Variants in ZNF618 observed in about 807,000 individuals in gnomAD.
ZNF618 encodes the protein zinc finger protein 618.
ZNF618 carries 34 observed loss-of-function variants against 103.0 expected under a neutral mutation model. The observed-to-expected ratio is 0.33, with a 90% CI of 0.25 to 0.44. ZNF618 has a LOEUF of 0.44. Among genes scored for constraint, ZNF618 ranks in the 20% least tolerant of loss-of-function variants. The pLI is 1.00. For missense variants in ZNF618, 1,059 were observed against 1,295.4 expected (o/e 0.82, Z 2.80); for synonymous variants, 551 against 542.2 (o/e 1.02, Z -0.23).
At chr9:114,013,571 C>A (rs557314982) in intron 9 of ZNF618, among the ~76,000 whole-genome samples, 1 of 152,142 alleles carries the variant, frequency 6.6e-6, no homozygotes. Flanking sequence ...GCTGGGACTA[C>A]AGGCGCCCGC....
chr9:114,010,652 C>T (rs10982028), intron 9 of ZNF618, among the ~76,000 whole-genome samples: 6 of 151,622 alleles, frequency 4.0e-5, no homozygotes, highest in South Asian at 2.1e-4. Flanking sequence ...TGCAGTGAGC[C>T]GAGATTGCAC....
chr9:113,989,575 TC>T (rs1839828585), intron 3 of ZNF618, among the ~76,000 whole-genome samples: 1 of 152,190 alleles, frequency 6.6e-6, no homozygotes, highest in Non-Finnish European at 1.5e-5. Flanking sequence ...ACTCCATGTT[TC>T]CAAGGCTCAG....
intron 1 of ZNF618, among the ~76,000 whole-genome samples, chr9:113,962,310 C>T (rs930269032): frequency 3.3e-5 from 5 of 152,164 alleles, no homozygotes; most frequent in Non-Finnish European, 5.9e-5. Context: ...CTTTCCTCAC[C>T]CTCTTCAGTC....
At chr9:113,952,131 C>G (rs1256667968) in intron 1 of ZNF618, among the ~76,000 whole-genome samples, 1 of 152,072 alleles carries the variant, frequency 6.6e-6, no homozygotes, top group East Asian at 1.9e-4. Context: ...TAACTTTTTA[C>G]TACACTTGTG....
chr9:114,003,093 T>TG (rs1195330644), intron 6 of ZNF618, among the ~76,000 whole-genome samples: 1 of 152,350 alleles, frequency 6.6e-6, no homozygotes, highest in Admixed American at 6.5e-5. Flanking sequence ...AGTTGACTTT[T>TG]GGGAAATGCT....
intron 1 of ZNF618, among the ~76,000 whole-genome samples, chr9:113,890,981 A>G (rs1364452182): frequency 6.6e-6 from 1 of 152,226 alleles, no homozygotes. Context: ...ATTTTTAAAG[A>G]AAAGCTCTTT....
Position 114,049,747 on chromosome 9 carries a change from G to T in ZNF618, c.2445G>T (p.Arg815=). 6.2e-7 allele frequency: 1 copy of T among 1,613,930 alleles called. No homozygotes were observed. The highest frequency in any genetic ancestry group is 8.5e-7 in the Non-Finnish European group (1 of 1,179,908). ...AMILDPQQKL[R]PVPPYQHEEI... ...TCCTGGACCCGCAGCAGAAGCTGCG[G>T]CCTGTGCCACCCTACCAGCACGAGG... Residue 815 remains arginine (R), a synonymous_variant, in exon 15 of 15, where the codon CGG becomes CGT. Transcript: ENST00000374126.
chr9:113,937,725 T>A (rs1436400053), intron 1 of ZNF618, among the ~76,000 whole-genome samples: 7 of 152,384 alleles, frequency 4.6e-5, no homozygotes, highest in Admixed American at 1.3e-4. Context: ...GTGCATCATA[T>A]GAGGAGACAG....
chr9:113,891,488 A>G (rs1829617455), intron 1 of ZNF618, among the ~76,000 whole-genome samples: 1 of 152,174 alleles, frequency 6.6e-6, no homozygotes, highest in Non-Finnish European at 1.5e-5. Flanking sequence ...AGTGTTGGTG[A>G]GGATGTGGAG....
In ZNF618 at chr9:113,938,031, G is replaced by A. The variant is rs113859412; in HGVS notation, c.34-31086G>A. Among the ~76,000 whole-genome samples the A allele has an allele frequency of 2.0e-3, 311 of 152,108 alleles. 1 individual carries two copies. Among genetic ancestry groups the A allele is most frequent in the African/African-American group, 6.9e-3 (286 of 41,504 alleles). ...CACAAGGTCTCTCAGAAGTCCTATC[G>A]GGATTTTGACTGGAATCACATTGAA... is the stretch of plus-strand genomic sequence containing the variant. On this transcript the variant is annotated intron_variant, in intron 1 of 14. Transcript: ENST00000374126.
rs532937465 is a variant in ZNF618, at chr9:113,911,803, T to C, written c.33+35390T>C. ...CCCTCGACAGCCCAACAGTGGCCTG[T>C]TTTGGGGGATGTTTTGCTATTTACA... On this transcript the variant is annotated intron_variant, in intron 1 of 14. Coordinates refer to ENST00000374126, the MANE Select transcript of ZNF618 (RefSeq NM_001318042.2). Among the ~76,000 whole-genome samples the C allele has an allele frequency of 3.2e-3, 480 of 152,210 alleles. 4 individuals are homozygous for C. Among genetic ancestry groups the C allele is most frequent in the Non-Finnish European group, 3.6e-3 (245 of 68,012 alleles).
chr9:113,921,689 G>T (rs548293788), intron 1 of ZNF618, among the ~76,000 whole-genome samples: 47 of 152,320 alleles, frequency 3.1e-4, no homozygotes, highest in Non-Finnish European at 6.5e-4. Flanking sequence ...AACAGCTTCT[G>T]TTCTTCTCAG....
intron 1 of ZNF618, among the ~76,000 whole-genome samples, chr9:113,952,412 C>T (rs1482285673): frequency 6.6e-6 from 1 of 152,196 alleles, no homozygotes; most frequent in Admixed American, 6.5e-5. Flanking sequence ...GGGTGTCTGT[C>T]CACCCCCTGA....
chr9:114,024,971 C>T (rs1251458249), intron 10 of ZNF618, among the ~76,000 whole-genome samples: 1 of 152,218 alleles, frequency 6.6e-6, no homozygotes, highest in African/African-American at 2.4e-5. Flanking sequence ...CCACCTCTCT[C>T]TGCCCTGGTC....
chr9:113,915,422 G>A (rs1215264398), intron 1 of ZNF618, among the ~76,000 whole-genome samples: 1 of 152,174 alleles, frequency 6.6e-6, no homozygotes, highest in African/African-American at 2.4e-5. Flanking sequence ...AGGTGAAGGG[G>A]TGGAGGAACT....
chr9:114,050,159 A>G lies in ZNF618; in HGVS notation c.2857A>G (p.Met953Val), dbSNP rs940136156. 3.2e-6 allele frequency: 5 copies of G among 1,554,222 alleles called. No individual in the cohort carries two copies. The highest frequency in any genetic ancestry group is 4.3e-6 in the Non-Finnish European group (5 of 1,153,646). ...MNKLMFLKSN[M>V]L is the part of the protein sequence containing the mutation. ...TAAACTCATGTTTCTGAAATCCAAC[A>G]TGCTTTAAGACTTGACTTCGGGGGA... The change falls in exon 15 of 15, where the codon ATG (methionine) becomes GTG (valine). Residue 953 changes from methionine to valine, a missense_variant. Met to Val is a conservative substitution (Grantham distance 21). Around this residue, in one of 6 missense-constraint regions of ZNF618, gnomAD observed 156 missense variants for 197.1 expected, o/e 0.79. Coordinates refer to ENST00000374126, the MANE Select transcript of ZNF618 (RefSeq NM_001318042.2).
chr9:114,032,021 G>A (rs920287537), intron 11 of ZNF618, among the ~76,000 whole-genome samples: 9 of 152,198 alleles, frequency 5.9e-5, no homozygotes, highest in Non-Finnish European at 1.3e-4. Flanking sequence ...GTAGATGGCA[G>A]CCTGTAAGCA....
intron 13 of ZNF618, among the ~76,000 whole-genome samples, chr9:114,041,528 G>C (rs1845178451): frequency 6.6e-6 from 1 of 152,184 alleles, no homozygotes; most frequent in Non-Finnish European, 1.5e-5. Flanking sequence ...AAGGGATCCA[G>C]TTTCAGCTTT....
chr9:113,943,092 G>T (rs975240130), intron 1 of ZNF618, among the ~76,000 whole-genome samples: 7 of 152,126 alleles, frequency 4.6e-5, no homozygotes, highest in African/African-American at 1.7e-4. Flanking sequence ...GTAGGGGTGT[G>T]ATTTCCAACA....
Sources: gnomAD v4.1 joint callset for allele counts (sites outside exome capture counted in the v4.1 genomes callset) on GRCh38, gnomAD v4.1.1 for gene constraint, gnomAD v4.1.1 regional missense constraint, MANE v1.5 for transcripts, NCBI Gene and HGNC (gene_info 2026-07-23, HGNC 2026-07-21) for gene names.